FANCM: variants seen among roughly 807,000 people sequenced by gnomAD.
FANCM encodes the protein FA complementation group M.
FANCM carries 140 observed loss-of-function variants against 199.5 expected under a neutral mutation model. That is an observed-to-expected ratio of 0.70 (90% CI 0.61 to 0.81). FANCM has a LOEUF of 0.81. Ranked by LOEUF, FANCM falls within the 30% of genes least tolerant of loss-of-function variation. FANCM has a pLI of 0.00. For synonymous variants in FANCM, 840 were observed against 836.8 expected, an observed-to-expected ratio of 1.00 and a Z score of -0.07; for missense variants, 2,410 against 2,421.4, an observed-to-expected ratio of 1.00 and a Z score of 0.10.
Position 45,164,511 on chromosome 14 carries a change from C to G in FANCM, c.1734C>G (p.Gly578=). 2 of 1,613,544 alleles carry G rather than the reference C, an allele frequency of 1.2e-6. No individual in the cohort carries two copies. The highest frequency in any genetic ancestry group is 1.7e-6 in the Non-Finnish European group (2 of 1,179,966). Residue 578 remains glycine (G), a synonymous_variant, in exon 10 of 23, where the codon GGC becomes GGG. Coordinates refer to ENST00000267430, the MANE Select transcript of FANCM (RefSeq NM_020937.4). ...TTGTACAACGAATGGGTAGAACTGG[C>G]CGTAAACGTCAAGGCAGGATAGTTA... The part of the protein sequence containing the change: ...IRLVQRMGRT[G]RKRQGRIVII...
At chr14:45,149,100 A>G (rs1000853482) in intron 4 of FANCM, 105 bp downstream of exon 4, 3 of 984,082 alleles carry the variant, frequency 3.0e-6, no homozygotes, top group Non-Finnish European at 4.5e-6. Context: ...TTATTTTTAT[A>G]TAATTGATAT....
chr14:45,136,488 G>T lies in FANCM; in HGVS notation c.457G>T (p.Ala153Ser). Reference protein sequence around the residue: ...TKPLVTQQIEACYQVMGIPQS... With the variant: ...TKPLVTQQIESCYQVMGIPQS... ...ACCCTTGGTGACACAGCAGATCGAGGCTTGCTACCAGGTGATGGGTATCCC... is the reference window on the plus strand; with the variant it reads ...ACCCTTGGTGACACAGCAGATCGAGTCTTGCTACCAGGTGATGGGTATCCC... The change falls in exon 1 of 23, where the codon GCT becomes TCT. Residue 153 changes from alanine to serine, a missense_variant. Physicochemically the swap from Ala to Ser is moderately conservative, Grantham distance 99. Transcript: ENST00000267430. 1 of 1,614,118 alleles carries T rather than the reference G, an allele frequency of 6.2e-7. No homozygotes were observed. The highest frequency in any genetic ancestry group is 8.5e-7 in the Non-Finnish European group (1 of 1,180,014).
rs1353206538 is a variant in FANCM at position 45,175,374 on chromosome 14, A to G, written c.2620A>G (p.Ile874Val). 4 of 1,563,016 alleles carry G rather than the reference A, an allele frequency of 2.6e-6. No homozygotes were observed. The highest frequency in any genetic ancestry group is 1.4e-5 in the African/African-American group (1 of 72,538). ...DQLKKENNHG[I>V]IDSVDNDRNS... The stretch of plus-strand genomic sequence containing the variant: ...GCTTAAAAAAGAAAATAATCACGGT[A>G]TTATAGATTCTGTAGATAATGACAG... The change falls in exon 14 of 23, where the codon ATT (isoleucine) becomes GTT (valine). Residue 874 changes from isoleucine to valine, a missense_variant. Ile to Val is a conservative substitution (Grantham distance 29, BLOSUM62 3). Coordinates refer to ENST00000267430, the MANE Select transcript of FANCM (RefSeq NM_020937.4).
chr14:45,146,677 C>T (rs1039266324), intron 3 of FANCM, among the ~76,000 whole-genome samples: 1 of 151,288 alleles, frequency 6.6e-6, no homozygotes, highest in Non-Finnish European at 1.5e-5. Context: ...AAAAAAAATA[C>T]AAAAAATTAG....
intron 14 of FANCM, among the ~76,000 whole-genome samples, chr14:45,178,404 A>G (rs536957345): frequency 6.6e-6 from 1 of 152,336 alleles, no homozygotes; most frequent in East Asian, 1.9e-4. Flanking sequence ...CATTTTTTCT[A>G]GGATTGTACT....
At chr14:45,191,978 C>G (rs1200895655) in intron 20 of FANCM, among the ~76,000 whole-genome samples, 1 of 152,026 alleles carries the variant, frequency 6.6e-6, no homozygotes, top group Non-Finnish European at 1.5e-5. Flanking sequence ...AAACTAAGTA[C>G]TTCCACTATT....
chr14:45,136,209 G>C lies in FANCM; in HGVS notation c.178G>C (p.Ala60Pro), dbSNP rs2139100954. The change falls in exon 1 of 23, where the codon GCG becomes CCG. Residue 60 changes from alanine (A) to proline (P), a missense_variant. Ala to Pro is a conservative substitution (Grantham distance 27, BLOSUM62 -1). Transcript: ENST00000267430. ...GTCGGACGATGATGTGTTGCTTGTCGCGGCGTACGAGGCTGAGCGGCAGTT... is the reference window on the plus strand; with the variant it reads ...GTCGGACGATGATGTGTTGCTTGTCCCGGCGTACGAGGCTGAGCGGCAGTT... ...LESDDDVLLV[A>P]AYEAERQLCL... 2 of 1,614,160 alleles carry C rather than the reference G, an allele frequency of 1.2e-6. No individual in the cohort carries two copies. The highest frequency in any genetic ancestry group is 4.5e-5 in the East Asian group (2 of 44,876).
chr14:45,170,591 A>T lies in FANCM; in HGVS notation c.2005A>T (p.Met669Leu), dbSNP rs1888274673. The part of the protein sequence containing the change: ...KSSIFSYRDG[M>L]RQSSLKKDWF... Reference sequence around the variant, plus strand: ...TCCATTATTTTTTCAACTTATAGGAATGAGGCAAAGTAGCCTAAAGAAAGA... The same window carrying T: ...TCCATTATTTTTTCAACTTATAGGATTGAGGCAAAGTAGCCTAAAGAAAGA... The change falls in exon 12 of 23, where the codon ATG (methionine) becomes TTG (leucine). Residue 669 changes from methionine to leucine, a missense_variant and splice_region_variant. By Grantham distance (15) the Met-to-Leu change is conservative. Transcript: ENST00000267430. 1.3e-6 allele frequency: 2 copies of T among 1,595,754 alleles called. No individual in the cohort carries two copies. Among genetic ancestry groups the T allele is most frequent in the African/African-American group, 2.7e-5 (2 of 74,472 alleles).
intron 9 of FANCM, 25 bp from the exon 10 acceptor site, chr14:45,164,334 T>C: frequency 1.3e-6 from 2 of 1,566,026 alleles, no homozygotes; most frequent in African/African-American, 1.3e-5. Context: ...TGCATGTAGT[T>C]ATTTTTCAAT....
intron 14 of FANCM, among the ~76,000 whole-genome samples, chr14:45,179,631 G>A (rs1399016104): frequency 1.4e-5 from 2 of 147,530 alleles, no homozygotes; most frequent in South Asian, 2.1e-4. Flanking sequence ...GCACGATCTC[G>A]GCTCACTGCA....
At chr14:45,183,979 T>G (rs188839616) in intron 17 of FANCM, 77 bp downstream of exon 17, 26 of 1,058,762 alleles carry the variant, frequency 2.5e-5, no homozygotes, top group Non-Finnish European at 3.5e-5. Context: ...CAATGTAGAT[T>G]TCTCTATACA....
In FANCM at chr14:45,154,696, G is replaced by A. The variant is rs1331849969; in HGVS notation, c.1184-1G>A. 1 of 1,577,774 alleles carries A rather than the reference G, an allele frequency of 6.3e-7. No homozygotes were observed. The highest frequency in any genetic ancestry group is 2.3e-5 in the East Asian group (1 of 44,250). ...TGAAAACCTTTTCTTAATTTCTGAA[G>A]GGATGACACGGTCAAAAAATGAACT... On this transcript the variant is annotated splice_acceptor_variant, in intron 6 of 22. Coordinates refer to ENST00000267430, the MANE Select transcript of FANCM (RefSeq NM_020937.4). LOFTEE classifies it high-confidence loss of function.
chr14:45,173,139 G>A lies in FANCM; in HGVS notation c.2245G>A (p.Val749Ile), dbSNP rs1490835418. 6.2e-7 allele frequency: 1 copy of A among 1,613,238 alleles called. No individual in the cohort carries two copies. Among genetic ancestry groups the A allele is most frequent in the Non-Finnish European group, 8.5e-7 (1 of 1,179,252 alleles). ...WQDHPLPTHQ[V>I]DHSDRCRHFI... The stretch of plus-strand genomic sequence containing the variant: ...AGATCATCCTTTGCCTACACATCAA[G>A]TTGATCACTCAGATCGATGCCGCCA... Residue 749 changes from valine (V) to isoleucine (I), a missense_variant, in exon 13 of 23, where the codon GTT (valine) becomes ATT (isoleucine). Coordinates refer to ENST00000267430, the MANE Select transcript of FANCM (RefSeq NM_020937.4).
At chr14:45,160,378 A>G (rs1887513463) in intron 9 of FANCM, among the ~76,000 whole-genome samples, 1 of 148,902 alleles carries the variant, frequency 6.7e-6, no homozygotes, top group Non-Finnish European at 1.5e-5. Flanking sequence ...GGTGGAGTAC[A>G]GTGGCCCAAT....
chr14:45,139,400 T>C (rs8013409), intron 2 of FANCM, among the ~76,000 whole-genome samples: 5,156 of 152,306 alleles, frequency 0.034, 290 homozygotes, highest in African/African-American at 0.12. Context: ...TCTGGTTTTA[T>C]TGTTTAATCC....
At chr14:45,195,393 G>A in intron 20 of FANCM, 1 of 384,218 alleles carries the variant, frequency 2.6e-6, no homozygotes, top group Non-Finnish European at 5.2e-6. Flanking sequence ...TATTAAGATT[G>A]AGAACTACTT....
chr14:45,167,821 G>T (rs1384760961), intron 11 of FANCM, among the ~76,000 whole-genome samples: 1 of 152,118 alleles, frequency 6.6e-6, no homozygotes, highest in Non-Finnish European at 1.5e-5. Flanking sequence ...GGAACCTTGG[G>T]AGTCATGTGG....
chr14:45,171,318 G>T (rs1437578966), intron 12 of FANCM, among the ~76,000 whole-genome samples: 1 of 151,592 alleles, frequency 6.6e-6, no homozygotes, highest in Non-Finnish European at 1.5e-5. Flanking sequence ...AAGCATCCTT[G>T]TAAACCATTT....
chr14:45,154,792 T>A lies in FANCM; in HGVS notation c.1279T>A (p.Ser427Thr), dbSNP rs760158197. 2 of 1,607,694 alleles carry A rather than the reference T, an allele frequency of 1.2e-6. No homozygotes were observed. Among genetic ancestry groups the A allele is most frequent in the South Asian group, 2.2e-5 (2 of 90,438 alleles). ...TATGTTTGCACGTACACGTAGTACT[T>A]CAGCAAATGGTATTTCTGCTATCCA... is the stretch of plus-strand genomic sequence containing the variant. Reference protein sequence around the residue: ...ECMFARTRSTSANGISAIQQG... With the variant: ...ECMFARTRSTTANGISAIQQG... The change falls in exon 7 of 23, where the codon TCA becomes ACA. Residue 427 changes from serine (S) to threonine (T), a missense_variant. Physicochemically the swap from Ser to Thr is moderately conservative, Grantham distance 58. Coordinates refer to ENST00000267430, the MANE Select transcript of FANCM (RefSeq NM_020937.4).
Sources: gnomAD v4.1 joint callset for allele counts (sites outside exome capture counted in the v4.1 genomes callset) on GRCh38, gnomAD v4.1.1 for gene constraint, MANE v1.5 for transcripts, NCBI Gene and HGNC (gene_info 2026-07-23, HGNC 2026-07-21) for gene names.